CYB5R4: variants seen among roughly 807,000 people sequenced by gnomAD.
The protein encoded by CYB5R4 is cytochrome b5 reductase 4.
In CYB5R4, 55 loss-of-function variants were observed where a neutral mutation model predicts 70.2. That is an observed-to-expected ratio of 0.78 (90% confidence interval 0.63 to 0.98). The LOEUF is 0.98. Ranked by LOEUF, CYB5R4 falls within the 50% of genes least tolerant of loss-of-function variation. The probability of loss-of-function intolerance (pLI) is 0.00; values close to 1 mark genes in which losing one functional copy is unlikely to be tolerated. For synonymous variants in CYB5R4, 197 were observed against 199.5 expected (o/e 0.99, Z 0.11); for missense variants, 562 against 612.6 (o/e 0.92, Z 0.87).
intron 2 of CYB5R4, among the ~76,000 whole-genome samples, chr6:83,865,248 A>C (rs2099456553): frequency 6.6e-6 from 1 of 152,166 alleles, no homozygotes; most frequent in African/African-American, 2.4e-5. Flanking sequence ...ATGGTCACTT[A>C]AAGAGGTATC....
intron 11 of CYB5R4, among the ~76,000 whole-genome samples, chr6:83,935,741 T>G (rs2099468820): frequency 6.6e-6 from 1 of 152,172 alleles, no homozygotes; most frequent in Admixed American, 6.5e-5. Context: ...TAAAACAATT[T>G]AAAGTACATA....
chr6:83,866,632 A>G (rs983172997), intron 2 of CYB5R4, among the ~76,000 whole-genome samples: 20 of 151,720 alleles, frequency 1.3e-4, no homozygotes, highest in African/African-American at 4.6e-4. Flanking sequence ...TTTTTTATAA[A>G]GGAGACAGGA....
chr6:83,865,454 C>T (rs954611415), intron 2 of CYB5R4, among the ~76,000 whole-genome samples: 2 of 152,110 alleles, frequency 1.3e-5, no homozygotes, highest in Non-Finnish European at 2.9e-5. Flanking sequence ...ACAATTTGTT[C>T]CATGCCTCTC....
At chr6:83,940,371 CT>C in intron 13 of CYB5R4, 143 bp from the exon 14 acceptor site, 1 of 1,045,394 alleles carries the variant, frequency 9.6e-7, no homozygotes, top group Non-Finnish European at 1.3e-6. Flanking sequence ...TAACTAGGTT[CT>C]TTTATCTCAT....
intron 2 of CYB5R4, among the ~76,000 whole-genome samples, chr6:83,886,891 G>A (rs1181847766): frequency 1.3e-5 from 2 of 152,118 alleles, no homozygotes; most frequent in Admixed American, 6.6e-5. Context: ...TCACAGTAAC[G>A]CTGTTAGTGA....
intron 12 of CYB5R4, among the ~76,000 whole-genome samples, chr6:83,939,796 G>C (rs1485720894): frequency 6.6e-6 from 1 of 152,114 alleles, no homozygotes; most frequent in Non-Finnish European, 1.5e-5. Flanking sequence ...CAAAATAGTG[G>C]TGGGAAATTA....
At chr6:83,927,123 C>T (rs2099467414) in intron 10 of CYB5R4, among the ~76,000 whole-genome samples, 1 of 152,144 alleles carries the variant, frequency 6.6e-6, no homozygotes, top group African/African-American at 2.4e-5. Context: ...CATACAAAAA[C>T]CCTCTTTGTT....
In CYB5R4 at chr6:83,920,968, G is replaced by A. The variant is rs1298255965; in HGVS notation, c.565-114G>A. On this transcript the variant is annotated intron_variant, in intron 7 of 15. Transcript: ENST00000369681. ...AGAAGTCACATTTGTTTAGCTTGGAGGTTCAATAAAGAAGCACCGTATGAA... is the reference window on the plus strand; with the variant it reads ...AGAAGTCACATTTGTTTAGCTTGGAAGTTCAATAAAGAAGCACCGTATGAA... 13 of 717,178 alleles carry A rather than the reference G, an allele frequency of 1.8e-5. No individual in the cohort carries two copies. In the East Asian group the frequency reaches 4.5e-4, roughly 25 times the overall value. The allele number at this position is 717,178 out of a possible 1,614,324, so 44.4% of individuals were successfully genotyped here.
chr6:83,932,763 G>A (rs2099468360), intron 10 of CYB5R4, among the ~76,000 whole-genome samples: 1 of 152,136 alleles, frequency 6.6e-6, no homozygotes, highest in South Asian at 2.1e-4. Flanking sequence ...GCTAGTGCAT[G>A]AGCTTGAGCC....
chr6:83,893,440 G>A, intron 2 of CYB5R4, 82 bp from the exon 3 acceptor site: 2 of 782,598 alleles, frequency 2.6e-6, no homozygotes, highest in Non-Finnish European at 4.2e-6. Flanking sequence ...TATTTGGAAA[G>A]ATTTATTGAA....
rs1325651115 is a variant in CYB5R4, at chr6:83,964,026, TC to T, written c.*4152del. 5 of 223,376 alleles carry T rather than the reference TC, an allele frequency of 2.2e-5. No homozygotes were observed. Among genetic ancestry groups the T allele is most frequent in the South Asian group, 8.3e-5 (1 of 12,050 alleles). 13.8% of individuals were successfully genotyped at this position (223,376 alleles called of 1,614,324 possible). A position where few individuals can be genotyped will look rare whatever the true frequency, so the allele number is the denominator to read the frequency against. Reference sequence around the variant, plus strand: ...CACCTCCTGCCATGATTCTGAGGCCTCCCCAGCCATGTGGAACTGTAAGTCC... The same window carrying T: ...CACCTCCTGCCATGATTCTGAGGCCTCCCAGCCATGTGGAACTGTAAGTCC... On this transcript the variant is annotated 3_prime_UTR_variant, in exon 16 of 16. Coordinates refer to ENST00000369681, the MANE Select transcript of CYB5R4 (RefSeq NM_016230.4).
intron 2 of CYB5R4, among the ~76,000 whole-genome samples, chr6:83,874,056 C>A (rs1360683947): frequency 6.6e-6 from 1 of 151,194 alleles, no homozygotes; most frequent in African/African-American, 2.4e-5. Flanking sequence ...CTGTCTTCTC[C>A]TTTTTATCAG....
intron 4 of CYB5R4, among the ~76,000 whole-genome samples, chr6:83,912,877 A>G (rs1588574110): frequency 6.6e-6 from 1 of 152,192 alleles, no homozygotes; most frequent in Non-Finnish European, 1.5e-5. Flanking sequence ...TCTTGTATTT[A>G]AAAAAGACTT....
At chr6:83,938,787 A>T (rs1159485166) in intron 12 of CYB5R4, among the ~76,000 whole-genome samples, 1 of 152,064 alleles carries the variant, frequency 6.6e-6, no homozygotes, top group Non-Finnish European at 1.5e-5. Context: ...AAGACACTCT[A>T]ATCTTATGGT....
chr6:83,918,655 C>T (rs2099465882), intron 6 of CYB5R4, among the ~76,000 whole-genome samples: 1 of 151,800 alleles, frequency 6.6e-6, no homozygotes, highest in Admixed American at 6.6e-5. Flanking sequence ...AAATATATTG[C>T]CCAATAGTTG....
At position 83,955,417 on chromosome 6, in the gene CYB5R4, T is replaced by C. The variant is rs1221322379; in HGVS notation, c.1466T>C (p.Leu489Pro). 1 of 1,613,980 alleles carries C rather than the reference T, an allele frequency of 6.2e-7. No homozygotes were observed. Among genetic ancestry groups the C allele is most frequent in the Non-Finnish European group, 8.5e-7 (1 of 1,179,918 alleles). The stretch of plus-strand genomic sequence containing the variant: ...AGAAATTTGGACAAATCCAAAGTTC[T>C]CGTCTGCATTTGTGGACCAGTGCCA... ...LKRNLDKSKV[L>P]VCICGPVPFT... is the part of the protein sequence containing the mutation. The change falls in exon 15 of 16, where the codon CTC (leucine) becomes CCC (proline). Residue 489 changes from leucine (L) to proline (P), a missense_variant. By Grantham distance (98) the Leu-to-Pro change is moderately conservative (BLOSUM62 -3). Coordinates refer to ENST00000369681, the MANE Select transcript of CYB5R4 (RefSeq NM_016230.4).
chr6:83,899,450 G>T (rs2099462491), intron 3 of CYB5R4, among the ~76,000 whole-genome samples: 1 of 152,154 alleles, frequency 6.6e-6, no homozygotes, highest in Admixed American at 6.5e-5. Flanking sequence ...TCTCTGCCAG[G>T]CTTTGATATG....
chr6:83,955,596 T>C, intron 15 of CYB5R4, 134 bp downstream of exon 15: 1 of 853,526 alleles, frequency 1.2e-6, no homozygotes, highest in Non-Finnish European at 1.7e-6. Flanking sequence ...AATAACAAAG[T>C]CTTTAAATCT....
At chr6:83,954,346 G>A (rs1213967885) in intron 14 of CYB5R4, among the ~76,000 whole-genome samples, 1 of 152,136 alleles carries the variant, frequency 6.6e-6, no homozygotes, top group African/African-American at 2.4e-5. Context: ...TAAAATGCAT[G>A]TGTCACTGGT....
Sources: gnomAD v4.1 joint callset for allele counts (sites outside exome capture counted in the v4.1 genomes callset) on GRCh38, gnomAD v4.1.1 for gene constraint, MANE v1.5 for transcripts, NCBI Gene and HGNC (gene_info 2026-07-23, HGNC 2026-07-21) for gene names.